The following GON4L variants were observed in gnomAD, a reference collection of about 807,000 sequenced individuals.
GON4L encodes GON-4-like protein.
A neutral mutation model predicts 211.8 loss-of-function variants in GON4L; 87 were observed. That is an observed-to-expected ratio of 0.41 (90% confidence interval 0.35 to 0.49). The LOEUF (loss-of-function observed/expected upper bound fraction) is 0.49, where lower values mean the gene tolerates loss of function less well. Ranked by LOEUF, GON4L falls within the 20% of genes least tolerant of loss-of-function variation. The pLI, the probability that GON4L is intolerant of heterozygous loss-of-function variation, is 0.15. For synonymous variants in GON4L, 875 were observed against 962.6 expected, an observed-to-expected ratio of 0.91 and a Z score of 1.68; for missense variants, 2,155 against 2,659.5, an observed-to-expected ratio of 0.81 and a Z score of 4.17.
intron 12 of GON4L, among the ~76,000 whole-genome samples, chr1:155,794,500 T>C (rs1665896479): frequency 6.6e-6 from 1 of 152,222 alleles, no homozygotes; most frequent in Non-Finnish European, 1.5e-5. Context: ...ACATACTTTT[T>C]TGATGTTTTA....
rs1199998795 is a variant in GON4L at position 155,752,408 on chromosome 1, C to G, written c.6025G>C (p.Ala2009Pro). The G allele has an allele frequency of 6.3e-7, 1 of 1,580,494 alleles. No homozygotes were observed. Among genetic ancestry groups the G allele is most frequent in the Non-Finnish European group, 8.6e-7 (1 of 1,162,086 alleles). ...VGPEVRSCPK[A>P]SPRLQKEREG... ...CTCTCTTTCTGAAGTCTGGGGGATG[C>G]CTTGGGGCAGGAGCGAACCTCAGGC... Residue 2009 changes from alanine to proline, a missense_variant, in exon 30 of 32, where the codon GCA becomes CCA. Ala to Pro is a conservative substitution (Grantham distance 27). Transcript: ENST00000368331.
Position 155,765,659 on chromosome 1 carries a change from G to T in GON4L, c.3814C>A (p.Pro1272Thr). 1 of 1,614,184 alleles carries T rather than the reference G, an allele frequency of 6.2e-7. No individual in the cohort carries two copies. The highest frequency in any genetic ancestry group is 8.5e-7 in the Non-Finnish European group (1 of 1,180,046). Residue 1272 changes from proline (P) to threonine (T), a missense_variant, in exon 21 of 32, where the codon CCA becomes ACA. This residue lies in a region of GON4L where 615 missense variants were observed against 625.7 expected (regional missense o/e 0.98). Transcript: ENST00000368331. ...FPKVEHSPGP[P>T]LADAECQEGL... ...TCTTGGCACTCTGCATCTGCTAGTG[G>T]AGGCCCTGGGCTATGTTCCACTTTC...
chr1:155,791,954 T>C lies in GON4L; in HGVS notation c.1747+3096A>G, dbSNP rs369537230. 6.2e-4 allele frequency among the ~76,000 whole-genome samples: 93 copies of C among 149,844 alleles called. 1 individual carries two copies. The South Asian group carries it at 0.019, about 30-fold the overall frequency. On this transcript the variant is annotated intron_variant, in intron 12 of 31. Transcript: ENST00000368331. ...TAACATAACATAACATAAAGACAAA[T>C]AGGAGGAATATAAAAGGATTGATCT...
Position 155,752,562 on chromosome 1 carries a change from T to C in GON4L, c.5871A>G (p.Pro1957=), listed in dbSNP as rs762050945. Reference sequence around the variant, plus strand: ...CTGTAACAGTCACTTCTCGAGGGGATGGCAAAGTGCTCCCCACTGCCAATC... The same window carrying C: ...CTGTAACAGTCACTTCTCGAGGGGACGGCAAAGTGCTCCCCACTGCCAATC... The part of the protein sequence containing the change: ...SAGLAVGSTL[P]SPREVTVTER... Residue 1957 remains proline (P), a synonymous_variant, in exon 30 of 32, where the codon CCA becomes CCG. Coordinates refer to ENST00000368331, the MANE Select transcript of GON4L (RefSeq NM_001282860.2). 1 of 1,595,150 alleles carries C rather than the reference T, an allele frequency of 6.3e-7. No homozygotes were observed. Among genetic ancestry groups the C allele is most frequent in the Non-Finnish European group, 8.5e-7 (1 of 1,170,584 alleles).
chr1:155,755,277 C>T (rs908176181), intron 27 of GON4L, among the ~76,000 whole-genome samples: 5 of 151,998 alleles, frequency 3.3e-5, no homozygotes, highest in African/African-American at 1.2e-4. Context: ...CCATGTTGAC[C>T]AGGCTGGTTT....
chr1:155,843,653 C>G (rs2885676), intron 2 of GON4L, among the ~76,000 whole-genome samples: 1 of 152,060 alleles, frequency 6.6e-6, no homozygotes, highest in Non-Finnish European at 1.5e-5. Flanking sequence ...GGAGGGCAAA[C>G]GGGATCCCAC....
chr1:155,776,083 C>T (rs914285238), intron 16 of GON4L, among the ~76,000 whole-genome samples: 4 of 152,108 alleles, frequency 2.6e-5, no homozygotes, highest in Non-Finnish European at 5.9e-5. Context: ...TGCCCAGTCT[C>T]AACATCTATA....
At chr1:155,840,861 C>T (rs980252018) in intron 2 of GON4L, among the ~76,000 whole-genome samples, 6 of 152,096 alleles carry the variant, frequency 3.9e-5, no homozygotes, top group Non-Finnish European at 7.4e-5. Flanking sequence ...GGAGAAACCC[C>T]GTCCCTATCA....
chr1:155,810,044 G>C (rs1442791589), intron 10 of GON4L, among the ~76,000 whole-genome samples: 1 of 146,684 alleles, frequency 6.8e-6, no homozygotes, highest in Non-Finnish European at 1.5e-5. Context: ...CACCCAGGCT[G>C]GAGTGCACTG....
At chr1:155,807,599 G>A (rs1667256287) in intron 10 of GON4L, among the ~76,000 whole-genome samples, 1 of 149,630 alleles carries the variant, frequency 6.7e-6, no homozygotes, top group Non-Finnish European at 1.5e-5. Flanking sequence ...AGCTACTCAG[G>A]AGGCTGAGGC....
rs1661684805 is a variant in GON4L at position 155,760,577 on chromosome 1, A to G, written c.4976T>C (p.Phe1659Ser). 1 of 1,613,548 alleles carries G rather than the reference A, an allele frequency of 6.2e-7. No homozygotes were observed. The highest frequency in any genetic ancestry group is 2.2e-5 in the East Asian group (1 of 44,890). The change falls in exon 24 of 32, where the codon TTT becomes TCT. Residue 1659 changes from phenylalanine to serine, a missense_variant. Physicochemically the swap from Phe to Ser is radical, Grantham distance 155. Transcript: ENST00000368331. ...CGTCCGTCTCTGGGTACTTGACTCA[A>G]ATTCATAGATGACTTGAAGGAAGTC... ...YEDFLQVIYE[F>S]ESSTQRRTAV...
rs910979200 is a variant in GON4L, at chr1:155,756,786, G to T, written c.5517+172C>A. 6.9e-6 allele frequency: 4 copies of T among 582,576 alleles called. No homozygotes were observed. In the Admixed American group the frequency reaches 1.2e-4, roughly 17 times the overall value. The allele number at this position is 582,576 out of a possible 1,614,324, so 36.1% of individuals were successfully genotyped here. On this transcript the variant is annotated intron_variant, in intron 27 of 31. Coordinates refer to ENST00000368331, the MANE Select transcript of GON4L (RefSeq NM_001282860.2). ...CTAAAAATACAAAAATTTGCTGGGC[G>T]TGGTGGCTGGCGCCTGTCTGTAATT...
intron 1 of GON4L, among the ~76,000 whole-genome samples, chr1:155,856,629 C>T (rs150274222): frequency 3.3e-5 from 5 of 152,186 alleles, no homozygotes; most frequent in Non-Finnish European, 5.9e-5. Context: ...AACTCAGTAA[C>T]TAAAGCTCAA....
At chr1:155,836,246 TTCG>T (rs1265285999) in intron 2 of GON4L, among the ~76,000 whole-genome samples, 1 of 111,550 alleles carries the variant, frequency 9.0e-6, no homozygotes, top group African/African-American at 3.3e-5. Flanking sequence ...GTGTTTTGTT[TTCG>T]TTTTTTTTTT....
At chr1:155,818,504 C>T (rs907710822) in intron 6 of GON4L, among the ~76,000 whole-genome samples, 2 of 152,192 alleles carry the variant, frequency 1.3e-5, no homozygotes, top group Non-Finnish European at 2.9e-5. Flanking sequence ...CATTTGTGAA[C>T]ACATCCTAGA....
intron 3 of GON4L, among the ~76,000 whole-genome samples, chr1:155,823,478 C>T (rs932581712): frequency 6.6e-6 from 1 of 152,102 alleles, no homozygotes; most frequent in Non-Finnish European, 1.5e-5. Flanking sequence ...GAATACTGAA[C>T]ATTTTCCTGT....
rs145500291 is a variant in GON4L, at chr1:155,790,822, T to G, written c.1747+4228A>C. On this transcript the variant is annotated intron_variant, in intron 12 of 31. Coordinates refer to ENST00000368331, the MANE Select transcript of GON4L (RefSeq NM_001282860.2). ...AGCTGGGCATGGTGGCGCGTGACTA[T>G]AATCCCAGCTACTCGGGAGGCTGAG... Among the ~76,000 whole-genome samples, 405 of 151,724 alleles carry G rather than the reference T, an allele frequency of 2.7e-3. 13 individuals are homozygous for G. The East Asian group carries it at 0.068, about 25-fold the overall frequency.
At chr1:155,769,018 C>T (rs1198029914) in intron 19 of GON4L, among the ~76,000 whole-genome samples, 1 of 152,106 alleles carries the variant, frequency 6.6e-6, no homozygotes, top group East Asian at 1.9e-4. Context: ...CCTCTGTCGC[C>T]CAGGCTGGAG....
Position 155,776,500 on chromosome 1 carries a change from T to C in GON4L, c.2092-19A>G. ...GAACGTGCTGGGGATGGAAAGAAAA[T>C]GATGAAGTGACATGTTACCACATTG... On this transcript the variant is annotated intron_variant, in intron 15 of 31. Transcript: ENST00000368331. 2 of 1,555,434 alleles carry C rather than the reference T, an allele frequency of 1.3e-6. No individual in the cohort carries two copies. The highest frequency in any genetic ancestry group is 2.2e-5 in the South Asian group (2 of 89,856).
Sources: allele counts gnomAD v4.1 joint callset (sites outside exome capture counted in the v4.1 genomes callset), GRCh38; gene constraint gnomAD v4.1.1; regional missense constraint gnomAD v4.1.1; transcripts MANE v1.5; gene names NCBI Gene and HGNC (gene_info 2026-07-23, HGNC 2026-07-21).